EYS: variants seen among roughly 807,000 people sequenced by gnomAD.
EYS encodes EGF-like photoreceptor maintenance factor.
In EYS, 250 loss-of-function variants were observed where a neutral mutation model predicts 282.1. That is an observed-to-expected ratio of 0.89 (90% CI 0.80 to 0.98). EYS has a LOEUF of 0.98. EYS is among the 50% of genes least tolerant of loss of function. The pLI is 0.00. For synonymous variants in EYS, 1,355 were observed against 1,282.9 expected (o/e 1.06, Z -1.20); for missense variants, 4,016 against 3,709.0 (o/e 1.08, Z -2.15).
chr6:63,984,676 G>T lies in EYS; in HGVS notation c.6835-73C>A, dbSNP rs1582080454. The stretch of plus-strand genomic sequence containing the variant: ...ATGTGGAAAAGATGTAGGATGTTTG[G>T]TTCTGTAATTGGATGTGTTTTAATG... On this transcript the variant is annotated intron_variant, in intron 34 of 42. Transcript: ENST00000503581. The T allele has an allele frequency of 6.0e-6, 7 of 1,175,402 alleles. No homozygotes were observed. In the East Asian group the frequency reaches 1.5e-4, roughly 26 times the overall value. 72.8% of individuals were successfully genotyped at this position (1,175,402 alleles called of 1,614,324 possible).
intron 31 of EYS, among the ~76,000 whole-genome samples, chr6:64,151,761 T>C (rs1457451837): frequency 1.3e-5 from 2 of 152,096 alleles, no homozygotes; most frequent in African/African-American, 4.8e-5. Flanking sequence ...AAAGCAAAAC[T>C]GTAGAAGCAG....
chr6:64,448,958 T>A (rs1331704935), intron 26 of EYS, among the ~76,000 whole-genome samples: 1 of 152,054 alleles, frequency 6.6e-6, no homozygotes, highest in East Asian at 1.9e-4. Context: ...CATCTCCTCC[T>A]CCAAAGGAAC....
chr6:64,314,490 G>T (rs1035001790), intron 29 of EYS, among the ~76,000 whole-genome samples: 1 of 151,948 alleles, frequency 6.6e-6, no homozygotes. Context: ...AAATTAATAA[G>T]CACCACATCA....
intron 16 of EYS, among the ~76,000 whole-genome samples, chr6:64,902,882 T>G (rs1424789087): frequency 1.3e-5 from 2 of 152,172 alleles, no homozygotes; most frequent in Admixed American, 6.5e-5. Flanking sequence ...AATGATCAAA[T>G]TTATTCAAGG....
At chr6:64,936,236 C>T (rs1768901379) in intron 15 of EYS, among the ~76,000 whole-genome samples, 1 of 151,242 alleles carries the variant, frequency 6.6e-6, no homozygotes, top group African/African-American at 2.4e-5. Flanking sequence ...ACATTCAACA[C>T]ATTTTATAAA....
intron 1 of EYS, among the ~76,000 whole-genome samples, chr6:65,681,162 C>T (rs1443809812): frequency 1.3e-5 from 2 of 151,276 alleles, no homozygotes; most frequent in Non-Finnish European, 2.9e-5. Context: ...GCAAATGAGC[C>T]ACAGGTTGAA....
intron 22 of EYS, among the ~76,000 whole-genome samples, chr6:64,749,511 A>G (rs1772672253): frequency 6.6e-6 from 1 of 152,226 alleles, no homozygotes; most frequent in Non-Finnish European, 1.5e-5. Context: ...CAAATACTGC[A>G]AAGTATAGGT....
chr6:65,101,639 A>T (rs1422418148), intron 12 of EYS, among the ~76,000 whole-genome samples: 1 of 151,204 alleles, frequency 6.6e-6, no homozygotes, highest in Non-Finnish European at 1.5e-5. Context: ...TTGATGAGAG[A>T]TCTCTAAATT....
intron 36 of EYS, among the ~76,000 whole-genome samples, chr6:63,815,255 T>G (rs1190594555): frequency 6.6e-6 from 1 of 152,208 alleles, no homozygotes; most frequent in East Asian, 1.9e-4. Context: ...TGAGATGTAC[T>G]TCTACCTCAT....
At chr6:64,905,365 A>G (rs1767791077) in intron 16 of EYS, among the ~76,000 whole-genome samples, 1 of 152,192 alleles carries the variant, frequency 6.6e-6, no homozygotes, top group Non-Finnish European at 1.5e-5. Context: ...TGTTATTACT[A>G]ATTTTATGCT....
chr6:64,589,981 C>G (rs1050073559), intron 26 of EYS, among the ~76,000 whole-genome samples: 1 of 152,074 alleles, frequency 6.6e-6, no homozygotes, highest in Non-Finnish European at 1.5e-5. Context: ...TTTCTGATTG[C>G]TTGACAGCAG....
At position 64,363,727 on chromosome 6, in the gene EYS, T is replaced by C. The variant is rs73767540; in HGVS notation, c.6078+24963A>G. Among the ~76,000 whole-genome samples, 843 of 152,078 alleles carry C rather than the reference T, an allele frequency of 5.5e-3. 7 individuals carry two copies. The highest frequency in any genetic ancestry group is 0.019 in the African/African-American group (781 of 41,532). On this transcript the variant is annotated intron_variant, in intron 29 of 42. Transcript: ENST00000503581. Reference sequence around the variant, plus strand: ...AGTGTGTCAGAAGTGCAACACAATTTATGCAAGATGTCTTGAACTAACTAT... The same window carrying C: ...AGTGTGTCAGAAGTGCAACACAATTCATGCAAGATGTCTTGAACTAACTAT...
chr6:64,104,891 C>A (rs2150261484), intron 31 of EYS, among the ~76,000 whole-genome samples: 1 of 151,918 alleles, frequency 6.6e-6, no homozygotes, highest in South Asian at 2.1e-4. Flanking sequence ...TAAGTCAATT[C>A]TCTTTATAAA....
rs531138406 is a variant in EYS, at chr6:64,363,233, C to G, written c.6078+25457G>C. ...GTCGATTTAATCAACACTGAGAAAG[C>G]CTTTATCTTTTGTAAGATATACATT... On this transcript the variant is annotated intron_variant, in intron 29 of 42. Transcript: ENST00000503581. Among the ~76,000 whole-genome samples, 4 of 151,966 alleles carry G rather than the reference C, an allele frequency of 2.6e-5. No homozygotes were observed. In the South Asian group the frequency reaches 6.2e-4, roughly 24 times the overall value.
intron 22 of EYS, among the ~76,000 whole-genome samples, chr6:64,716,969 A>ATGCAGATTTTTGTTGGC (rs1040138568): frequency 1.3e-5 from 2 of 152,124 alleles, no homozygotes; most frequent in African/African-American, 4.8e-5. Context: ...TTTATTTTAA[A>ATGCAGATTTTTGTTGGC]TGCAGATTTT....
intron 30 of EYS, among the ~76,000 whole-genome samples, 191 bp from the exon 31 acceptor site, chr6:64,231,015 G>T (rs1766412053): frequency 6.6e-6 from 1 of 152,120 alleles, no homozygotes; most frequent in Non-Finnish European, 1.5e-5. Context: ...AAATTTCTGA[G>T]CCACATAACA....
intron 22 of EYS, among the ~76,000 whole-genome samples, chr6:64,732,378 T>C (rs1772004156): frequency 6.6e-6 from 1 of 152,122 alleles, no homozygotes; most frequent in Non-Finnish European, 1.5e-5. Flanking sequence ...TTTAACACAC[T>C]AGTGTTTCTA....
intron 19 of EYS, among the ~76,000 whole-genome samples, chr6:64,831,232 T>A (rs1017943630): frequency 4.6e-5 from 7 of 151,964 alleles, no homozygotes; most frequent in Admixed American, 2.6e-4. Flanking sequence ...TGCTTTTAAA[T>A]TTTTTTGTCA....
At chr6:64,589,652 T>C (rs866758036) in intron 26 of EYS, among the ~76,000 whole-genome samples, 9 of 152,188 alleles carry the variant, frequency 5.9e-5, no homozygotes, top group Non-Finnish European at 1.2e-4. Context: ...TTCACAGATA[T>C]TATCTCCTTC....
Sources: gnomAD v4.1 joint callset for allele counts (sites outside exome capture counted in the v4.1 genomes callset) on GRCh38, gnomAD v4.1.1 for gene constraint, MANE v1.5 for transcripts, NCBI Gene and HGNC (gene_info 2026-07-23, HGNC 2026-07-21) for gene names.